Variants in NUBPL observed in about 807,000 individuals in gnomAD.
The protein encoded by NUBPL is iron-sulfur cluster transfer protein NUBPL.
NUBPL carries 31 observed loss-of-function variants against 45.7 expected under a neutral mutation model. The ratio of observed to expected loss-of-function variants is 0.68; its 90% CI spans 0.51 to 0.92. NUBPL has a LOEUF of 0.92. Among genes scored for constraint, NUBPL ranks in the 40% least tolerant of loss-of-function variants. The pLI is 0.00. For synonymous variants in NUBPL, 144 were observed against 140.9 expected, an observed-to-expected ratio of 1.02 and a Z score of -0.15; for missense variants, 401 against 398.7, an observed-to-expected ratio of 1.01 and a Z score of -0.05.
At chr14:31,766,243 T>G (rs2038910110) in intron 6 of NUBPL, among the ~76,000 whole-genome samples, 1 of 152,228 alleles carries the variant, frequency 6.6e-6, no homozygotes, top group East Asian at 1.9e-4. Context: ...TGATAGTTTT[T>G]AACTTAGTCT....
intron 4 of NUBPL, among the ~76,000 whole-genome samples, chr14:31,667,666 G>A (rs1360909553): frequency 6.6e-6 from 1 of 152,070 alleles, no homozygotes; most frequent in East Asian, 1.9e-4. Flanking sequence ...TTTTGCGCTG[G>A]GTTTTCCTCA....
At chr14:31,818,578 G>T (rs748665271) in intron 7 of NUBPL, among the ~76,000 whole-genome samples, 1 of 148,560 alleles carries the variant, frequency 6.7e-6, no homozygotes, top group Non-Finnish European at 1.5e-5. Context: ...TTGGAGTCTC[G>T]CACTGTCACC....
intron 3 of NUBPL, among the ~76,000 whole-genome samples, chr14:31,573,860 A>C (rs1334202168): frequency 2.0e-5 from 3 of 152,176 alleles, no homozygotes; most frequent in Non-Finnish European, 4.4e-5. Flanking sequence ...TAGTCTGTGA[A>C]TATTTAGGGG....
At chr14:31,827,325 A>T (rs1163014857) in intron 8 of NUBPL, among the ~76,000 whole-genome samples, 1 of 150,922 alleles carries the variant, frequency 6.6e-6, no homozygotes, top group Non-Finnish European at 1.5e-5. Flanking sequence ...TAGTACCATT[A>T]TAAAACTGTG....
intron 6 of NUBPL, among the ~76,000 whole-genome samples, chr14:31,676,319 G>C (rs997474149): frequency 2.0e-5 from 3 of 151,878 alleles, no homozygotes; most frequent in African/African-American, 7.3e-5. Flanking sequence ...CACTGCAACC[G>C]TCCAGGATGT....
chr14:31,760,776 C>T (rs2038790304), intron 6 of NUBPL, among the ~76,000 whole-genome samples: 1 of 151,710 alleles, frequency 6.6e-6, no homozygotes, highest in Admixed American at 6.6e-5. Flanking sequence ...TAAAAAATTA[C>T]AGTTTACAGT....
chr14:31,839,139 T>C (rs1230644911), intron 8 of NUBPL, among the ~76,000 whole-genome samples: 1 of 152,210 alleles, frequency 6.6e-6, no homozygotes, highest in Non-Finnish European at 1.5e-5. Flanking sequence ...TTTGTTCTTA[T>C]TGCTTTATTA....
chr14:31,585,326 G>A (rs1238190457), intron 3 of NUBPL, among the ~76,000 whole-genome samples: 1 of 152,216 alleles, frequency 6.6e-6, no homozygotes, highest in African/African-American at 2.4e-5. Flanking sequence ...TGGGCCACGT[G>A]CAGCTCTGAA....
At chr14:31,566,724 G>C (rs2139449693) in intron 3 of NUBPL, among the ~76,000 whole-genome samples, 1 of 152,024 alleles carries the variant, frequency 6.6e-6, no homozygotes, top group African/African-American at 2.4e-5. Flanking sequence ...AGATTATCCT[G>C]GATTATCTGG....
intron 8 of NUBPL, among the ~76,000 whole-genome samples, chr14:31,829,885 T>C (rs1263765974): frequency 2.6e-5 from 4 of 152,222 alleles, no homozygotes; most frequent in Non-Finnish European, 4.4e-5. Flanking sequence ...TCCTCAATTA[T>C]CTCAATATTT....
intron 8 of NUBPL, among the ~76,000 whole-genome samples, chr14:31,827,916 G>T (rs1459721964): frequency 6.6e-6 from 1 of 152,174 alleles, no homozygotes; most frequent in Non-Finnish European, 1.5e-5. Context: ...AATGGTTGAG[G>T]TGAATTTCCT....
At chr14:31,753,828 T>C (rs1346830413) in intron 6 of NUBPL, among the ~76,000 whole-genome samples, 1 of 152,182 alleles carries the variant, frequency 6.6e-6, no homozygotes, top group South Asian at 2.1e-4. Context: ...TGTTCTTCTT[T>C]AGACTATCTA....
rs147692055 is a variant in NUBPL at position 31,613,852 on chromosome 14, C to T, written c.382+14473C>T. On this transcript the variant is annotated intron_variant, in intron 4 of 10. Transcript: ENST00000281081. Reference sequence around the variant, plus strand: ...TACACATTGTATGCCTATATCAAAACGTCTCATGTACCCCATAAATATATA... The same window carrying T: ...TACACATTGTATGCCTATATCAAAATGTCTCATGTACCCCATAAATATATA... 2.6e-4 allele frequency among the ~76,000 whole-genome samples: 39 copies of T among 151,768 alleles called. No individual in the cohort carries two copies. The East Asian group carries it at 5.0e-3, about 20-fold the overall frequency.
intron 6 of NUBPL, among the ~76,000 whole-genome samples, chr14:31,782,078 G>A (rs961239306): frequency 1.1e-4 from 17 of 152,060 alleles, no homozygotes; most frequent in African/African-American, 3.6e-4. Context: ...CATATTTTAT[G>A]TGTTTCTTAT....
chr14:31,758,852 T>C (rs1429799553), intron 6 of NUBPL, among the ~76,000 whole-genome samples: 1 of 152,144 alleles, frequency 6.6e-6, no homozygotes, highest in Non-Finnish European at 1.5e-5. Context: ...ATTCTACTGT[T>C]TAGTATTGAA....
At chr14:31,803,374 A>G (rs2138872780) in intron 7 of NUBPL, among the ~76,000 whole-genome samples, 1 of 152,328 alleles carries the variant, frequency 6.6e-6, no homozygotes, top group South Asian at 2.1e-4. Context: ...AGTGTTTTGG[A>G]AAACATTGAA....
chr14:31,596,536 A>G (rs1048904763), intron 3 of NUBPL, among the ~76,000 whole-genome samples: 5 of 152,224 alleles, frequency 3.3e-5, no homozygotes, highest in Admixed American at 6.5e-5. Context: ...ATTTATTTAC[A>G]TATTGTTTAT....
chr14:31,741,186 CATG>C (rs2038275875), intron 6 of NUBPL, among the ~76,000 whole-genome samples: 1 of 152,160 alleles, frequency 6.6e-6, no homozygotes, highest in East Asian at 1.9e-4. Context: ...CCTAGCCAGG[CATG>C]ATGTATGGGT....
chr14:31,624,753 CAG>C (rs1415335077), intron 4 of NUBPL, among the ~76,000 whole-genome samples: 3 of 152,090 alleles, frequency 2.0e-5, no homozygotes, highest in Non-Finnish European at 4.4e-5. Context: ...TTAGTAGAGA[CAG>C]AGTTTCATCA....
Sources: gnomAD v4.1 joint callset for allele counts (sites outside exome capture counted in the v4.1 genomes callset) on GRCh38, gnomAD v4.1.1 for gene constraint, MANE v1.5 for transcripts, NCBI Gene and HGNC (gene_info 2026-07-23, HGNC 2026-07-21) for gene names.